Variants in SYN3 observed in about 807,000 individuals in gnomAD.
SYN3 encodes synapsin III, also known as synapsin-3.
A neutral mutation model predicts 65.8 loss-of-function variants in SYN3; 35 were observed. The ratio of observed to expected loss-of-function variants is 0.53; its 90% CI spans 0.41 to 0.70. The LOEUF (loss-of-function observed/expected upper bound fraction) is 0.70, where lower values mean the gene tolerates loss of function less well. Among genes scored for constraint, SYN3 ranks in the 30% least tolerant of loss-of-function variants. The probability of loss-of-function intolerance (pLI) is 0.00; values close to 1 mark genes in which losing one functional copy is unlikely to be tolerated. For missense variants in SYN3, 680 were observed against 749.0 expected (o/e 0.91, Z 1.08); for synonymous variants, 270 against 292.9 (o/e 0.92, Z 0.80).
chr22:32,887,241 G>A (rs1273728193), intron 4 of SYN3, among the ~76,000 whole-genome samples: 1 of 152,096 alleles, frequency 6.6e-6, no homozygotes, highest in Non-Finnish European at 1.5e-5. Flanking sequence ...ATCCGGGCAT[G>A]GTGATGCACA....
At chr22:32,879,596 A>T (rs2049073429) in intron 4 of SYN3, among the ~76,000 whole-genome samples, 1 of 152,234 alleles carries the variant, frequency 6.6e-6, no homozygotes, top group African/African-American at 2.4e-5. Context: ...CTCTGCCCTC[A>T]TGGCTAATCA....
intron 6 of SYN3, among the ~76,000 whole-genome samples, chr22:32,759,563 G>A (rs2045392600): frequency 6.6e-6 from 1 of 152,010 alleles, no homozygotes; most frequent in African/African-American, 2.4e-5. Context: ...TGAGACCCTT[G>A]TCTTGACAGA....
chr22:32,679,272 C>T (rs5998575), intron 6 of SYN3, among the ~76,000 whole-genome samples: 3,693 of 151,978 alleles, frequency 0.024, 132 homozygotes, highest in African/African-American at 0.077. Flanking sequence ...AGGATGGTCT[C>T]GATCTCTTGA....
At chr22:32,649,754 C>A (rs940994669) in intron 6 of SYN3, among the ~76,000 whole-genome samples, 1 of 152,138 alleles carries the variant, frequency 6.6e-6, no homozygotes. Flanking sequence ...GACAGGGAAG[C>A]CCTGGTGAGG....
intron 6 of SYN3, among the ~76,000 whole-genome samples, chr22:32,816,998 G>A (rs1190185529): frequency 1.3e-5 from 2 of 151,666 alleles, no homozygotes; most frequent in African/African-American, 4.9e-5. Context: ...CGAGAGGATC[G>A]CTTGAGCCCA....
chr22:32,819,547 A>T (rs116117712), intron 6 of SYN3, among the ~76,000 whole-genome samples: 14 of 152,272 alleles, frequency 9.2e-5, no homozygotes, highest in African/African-American at 3.4e-4. Context: ...AGGTTTATGG[A>T]GCACCTACTA....
At chr22:32,611,203 G>A (rs941733939) in intron 6 of SYN3, among the ~76,000 whole-genome samples, 1 of 151,120 alleles carries the variant, frequency 6.6e-6, no homozygotes, top group African/African-American at 2.4e-5. Flanking sequence ...CTTGCATCCT[G>A]TGTGAAACCT....
intron 1 of SYN3, among the ~76,000 whole-genome samples, chr22:33,038,657 C>A (rs1310518326): frequency 6.6e-6 from 1 of 152,166 alleles, no homozygotes; most frequent in African/African-American, 2.4e-5. Context: ...TGCTGCTGCA[C>A]CCTACTTTAT....
At chr22:32,928,137 T>C (rs543607006) in intron 4 of SYN3, among the ~76,000 whole-genome samples, 15 of 152,156 alleles carry the variant, frequency 9.9e-5, no homozygotes, top group Non-Finnish European at 1.9e-4. Flanking sequence ...GAGAACATCC[T>C]GGCTAACACG....
chr22:32,548,172 C>T (rs956843791), intron 7 of SYN3, among the ~76,000 whole-genome samples: 25 of 152,188 alleles, frequency 1.6e-4, no homozygotes, highest in African/African-American at 5.5e-4. Flanking sequence ...AGACTGTCCC[C>T]TCCCTCTATC....
chr22:32,698,286 T>C (rs1283008679), intron 6 of SYN3, among the ~76,000 whole-genome samples: 3 of 152,104 alleles, frequency 2.0e-5, no homozygotes, highest in Non-Finnish European at 2.9e-5. Flanking sequence ...ATCACATATC[T>C]GCATGAATCT....
chr22:32,546,818 A>G (rs1257670045), intron 7 of SYN3, among the ~76,000 whole-genome samples: 1 of 151,752 alleles, frequency 6.6e-6, no homozygotes, highest in East Asian at 1.9e-4. Context: ...TCCAAAACAG[A>G]CCCACCCACA....
chr22:32,744,848 G>A (rs1602042869), intron 6 of SYN3, among the ~76,000 whole-genome samples: 2 of 152,214 alleles, frequency 1.3e-5, no homozygotes, highest in East Asian at 3.9e-4. Context: ...GCAGACCCAG[G>A]CAGAAAAGAC....
At chr22:32,637,772 G>C (rs2059839413) in intron 6 of SYN3, among the ~76,000 whole-genome samples, 1 of 151,520 alleles carries the variant, frequency 6.6e-6, no homozygotes, top group African/African-American at 2.4e-5. Context: ...TGAGTAGCTG[G>C]GATTACAGGC....
chr22:32,933,175 C>T (rs979658402), intron 3 of SYN3, among the ~76,000 whole-genome samples: 2 of 152,142 alleles, frequency 1.3e-5, no homozygotes, highest in African/African-American at 4.8e-5. Flanking sequence ...CAAACTGTGC[C>T]TTATACACAG....
chr22:32,991,361 A>ATAATAATAATAATAG, intron 2 of SYN3, among the ~76,000 whole-genome samples: 1 of 146,086 alleles, frequency 6.8e-6, no homozygotes, highest in African/African-American at 2.5e-5. Context: ...AATAATAATA[A>ATAATAATAATAATAG]TAATAATAAT....
chr22:32,554,595 C>T (rs2058464058), intron 7 of SYN3, among the ~76,000 whole-genome samples: 1 of 152,118 alleles, frequency 6.6e-6, no homozygotes, highest in African/African-American at 2.4e-5. Flanking sequence ...AACTATTCAC[C>T]CCGCCACTCC....
intron 5 of SYN3, among the ~76,000 whole-genome samples, chr22:32,868,753 T>C (rs777735753): frequency 5.3e-5 from 8 of 152,080 alleles, no homozygotes; most frequent in Non-Finnish European, 8.8e-5. Context: ...GCCCGGCCTA[T>C]AAATATTTAC....
rs562132549 is a variant in SYN3, at chr22:33,028,204, G to T, written c.-162-21380C>A. On this transcript the variant is annotated intron_variant, in intron 1 of 13. Coordinates refer to ENST00000358763, the MANE Select transcript of SYN3 (RefSeq NM_003490.4). ...TCCACAGCCTGCCCTTTCCCCTCCA[G>T]CACACTGGCTCCAGTCTCATCATCA... Among the ~76,000 whole-genome samples the T allele has an allele frequency of 3.3e-5, 5 of 152,276 alleles. No homozygotes were observed. In the South Asian group the frequency reaches 1.0e-3, roughly 32 times the overall value.
Sources: allele counts gnomAD v4.1 joint callset (sites outside exome capture counted in the v4.1 genomes callset), GRCh38; gene constraint gnomAD v4.1.1; transcripts MANE v1.5; gene names NCBI Gene and HGNC (gene_info 2026-07-23, HGNC 2026-07-21).